The following DCLK2 variants were observed in gnomAD, a reference collection of about 807,000 sequenced individuals.
DCLK2 encodes the protein doublecortin like kinase 2.
In DCLK2, 31 loss-of-function variants were observed where a neutral mutation model predicts 78.4. The observed-to-expected ratio is 0.40, with a 90% CI of 0.30 to 0.53. The LOEUF (loss-of-function observed/expected upper bound fraction) is 0.53, where lower values mean the gene tolerates loss of function less well. Among genes scored for constraint, DCLK2 ranks in the 20% least tolerant of loss-of-function variants. The pLI is 0.61. For synonymous variants in DCLK2, 407 were observed against 374.9 expected (o/e 1.09, Z -0.99); for missense variants, 872 against 973.7 (o/e 0.90, Z 1.39).
intron 2 of DCLK2, among the ~76,000 whole-genome samples, chr4:150,112,452 T>TA (rs1489947328): frequency 2.0e-5 from 3 of 152,200 alleles, no homozygotes; most frequent in Admixed American, 6.5e-5. Flanking sequence ...GGACTTCCAG[T>TA]AACTGTATTG....
intron 2 of DCLK2, among the ~76,000 whole-genome samples, chr4:150,103,827 T>C (rs1260299787): frequency 6.6e-6 from 1 of 152,088 alleles, no homozygotes; most frequent in Non-Finnish European, 1.5e-5. Context: ...CAGTAGATTA[T>C]GGTAAAATTA....
At position 150,255,346 on chromosome 4, in the gene DCLK2, C is replaced by T. The variant is rs147539556; in HGVS notation, c.2074-674C>T. ...GGAGAAAGCAGGACCGGGGTCCCTT[C>T]CCCAGCCAGGCTTAGAACGCAAGGT... On this transcript the variant is annotated intron_variant, in intron 15 of 15. Coordinates refer to ENST00000296550, the MANE Select transcript of DCLK2 (RefSeq NM_001040260.4). Among the ~76,000 whole-genome samples, 1,418 of 152,332 alleles carry T rather than the reference C, an allele frequency of 9.3e-3. 9 individuals carry two copies. The highest frequency in any genetic ancestry group is 0.015 in the Non-Finnish European group (1,029 of 68,030).
At chr4:150,091,617 G>C (rs1265740873) in intron 1 of DCLK2, among the ~76,000 whole-genome samples, 1 of 152,176 alleles carries the variant, frequency 6.6e-6, no homozygotes, top group Admixed American at 6.5e-5. Context: ...TTACAAACTA[G>C]TTAGTTGTGT....
intron 1 of DCLK2, among the ~76,000 whole-genome samples, chr4:150,092,085 C>G (rs958492800): frequency 6.6e-6 from 1 of 151,952 alleles, no homozygotes; most frequent in Non-Finnish European, 1.5e-5. Context: ...TGGCTTATTT[C>G]ATTTAACATA....
In DCLK2 at chr4:150,078,628, G is replaced by C. The variant is rs887065965; in HGVS notation, c.-400G>C. On this transcript the variant is annotated 5_prime_UTR_variant, in exon 1 of 16. Coordinates refer to ENST00000296550, the MANE Select transcript of DCLK2 (RefSeq NM_001040260.4). The stretch of plus-strand genomic sequence containing the variant: ...CCCCTCGGCGCTCCCGGGAGCGCTC[G>C]GCAGACGCCCGAGCTTTGTGGGCGC... 2 of 153,714 alleles carry C rather than the reference G, an allele frequency of 1.3e-5. No homozygotes were observed. Among genetic ancestry groups the C allele is most frequent in the South Asian group, 2.1e-4 (1 of 4,842 alleles). 9.5% of individuals were successfully genotyped at this position (153,714 alleles called of 1,614,324 possible).
At chr4:150,246,970 A>T (rs2126621541) in intron 12 of DCLK2, among the ~76,000 whole-genome samples, 1 of 152,180 alleles carries the variant, frequency 6.6e-6, no homozygotes, top group East Asian at 1.9e-4. Context: ...GAGTGAACTA[A>T]TTATTTCATG....
chr4:150,212,447 GC>G (rs1740388569), intron 5 of DCLK2, among the ~76,000 whole-genome samples: 1 of 152,116 alleles, frequency 6.6e-6, no homozygotes, highest in South Asian at 2.1e-4. Context: ...TGGAGCTTTG[GC>G]TTTTCTTTTG....
chr4:150,080,400 G>GA (rs1427641297), intron 1 of DCLK2, among the ~76,000 whole-genome samples: 1 of 152,164 alleles, frequency 6.6e-6, no homozygotes, highest in Non-Finnish European at 1.5e-5. Context: ...TTTTCAGGTA[G>GA]AAAAGGCATT....
intron 10 of DCLK2, among the ~76,000 whole-genome samples, chr4:150,236,205 G>A (rs1038135126): frequency 5.3e-5 from 8 of 152,200 alleles, no homozygotes; most frequent in Admixed American, 1.3e-4. Flanking sequence ...GTGGTGGGGC[G>A]TTTGAACACT....
intron 2 of DCLK2, among the ~76,000 whole-genome samples, chr4:150,160,149 G>A (rs948753587): frequency 7.2e-5 from 11 of 152,008 alleles, no homozygotes; most frequent in African/African-American, 2.7e-4. Flanking sequence ...TTAAGTAGCT[G>A]GGACTACAGA....
chr4:150,253,394 G>C lies in DCLK2; in HGVS notation c.2074-2626G>C. On this transcript the variant is annotated intron_variant, in intron 15 of 15. Coordinates refer to ENST00000296550, the MANE Select transcript of DCLK2 (RefSeq NM_001040260.4). ...GAGCTGGGGCCTGAGACTTCAGTGA[G>C]AAAATGATGGGCTAGAAATTGGTCC... 8 of 1,283,484 alleles carry C rather than the reference G, an allele frequency of 6.2e-6. No homozygotes were observed. The South Asian group carries it at 9.9e-5, about 16-fold the overall frequency. 79.5% of individuals were successfully genotyped at this position (1,283,484 alleles called of 1,614,324 possible). A position where few individuals can be genotyped will look rare whatever the true frequency, so the allele number is the denominator to read the frequency against.
At chr4:150,099,050 G>T (rs1580496722) in intron 1 of DCLK2, among the ~76,000 whole-genome samples, 1 of 151,862 alleles carries the variant, frequency 6.6e-6, no homozygotes, top group East Asian at 1.9e-4. Flanking sequence ...TAGGATGCAG[G>T]ATGTACTTTT....
chr4:150,222,903 C>G (rs1006335786), intron 7 of DCLK2, among the ~76,000 whole-genome samples: 3 of 151,726 alleles, frequency 2.0e-5, no homozygotes, highest in Non-Finnish European at 4.4e-5. Context: ...CTACTTTTGC[C>G]TATTCCAGAT....
At chr4:150,101,796 C>T (rs1387802712) in intron 1 of DCLK2, among the ~76,000 whole-genome samples, 2 of 152,076 alleles carry the variant, frequency 1.3e-5, no homozygotes, top group Non-Finnish European at 2.9e-5. Flanking sequence ...TACTTCAGGT[C>T]CTCTCCTATT....
At chr4:150,248,061 A>G (rs896183288) in intron 13 of DCLK2, among the ~76,000 whole-genome samples, 3 of 152,236 alleles carry the variant, frequency 2.0e-5, no homozygotes, top group Admixed American at 1.3e-4. Flanking sequence ...TGGAATAATA[A>G]CAATGACCAG....
intron 5 of DCLK2, among the ~76,000 whole-genome samples, chr4:150,209,971 A>G (rs1344423496): frequency 6.6e-6 from 1 of 152,208 alleles, no homozygotes; most frequent in Non-Finnish European, 1.5e-5. Flanking sequence ...GCTACTCGGG[A>G]GGCTGAAGCA....
chr4:150,144,755 T>A lies in DCLK2; in HGVS notation c.756+41943T>A, dbSNP rs901570974. Among the ~76,000 whole-genome samples, 7 of 152,304 alleles carry A rather than the reference T, an allele frequency of 4.6e-5. 1 individual carries two copies. The highest frequency in any genetic ancestry group is 3.9e-4 in the Admixed American group (6 of 15,298). The stretch of plus-strand genomic sequence containing the variant: ...GCATGTGCCATCACACCTGCATTTT[T>A]AAAAAGATTATTTGTAGAGATGAGA... On this transcript the variant is annotated intron_variant, in intron 2 of 15. Coordinates refer to ENST00000296550, the MANE Select transcript of DCLK2 (RefSeq NM_001040260.4).
intron 1 of DCLK2, among the ~76,000 whole-genome samples, chr4:150,088,073 G>A (rs1401152143): frequency 6.6e-6 from 1 of 152,150 alleles, no homozygotes; most frequent in East Asian, 1.9e-4. Flanking sequence ...AACAGATGCA[G>A]TTATTTCTCA....
At chr4:150,140,462 A>G (rs569905163) in intron 2 of DCLK2, among the ~76,000 whole-genome samples, 7 of 152,328 alleles carry the variant, frequency 4.6e-5, no homozygotes, top group East Asian at 1.9e-4. Flanking sequence ...GAGGACCCCA[A>G]TGGTGACGCT....
Sources: gnomAD v4.1 joint callset for allele counts (sites outside exome capture counted in the v4.1 genomes callset) on GRCh38, gnomAD v4.1.1 for gene constraint, MANE v1.5 for transcripts, NCBI Gene and HGNC (gene_info 2026-07-23, HGNC 2026-07-21) for gene names.